Variants in AKT3 observed in about 807,000 individuals in gnomAD.
AKT3 encodes AKT serine/threonine kinase 3, also known as RAC-gamma serine/threonine-protein kinase.
AKT3 carries 15 observed loss-of-function variants against 65.3 expected under a neutral mutation model. The ratio of observed to expected loss-of-function variants is 0.23; its 90% CI spans 0.15 to 0.35. AKT3 has a LOEUF of 0.35. Ranked by LOEUF, AKT3 falls within the 10% of genes least tolerant of loss-of-function variation. AKT3 has a pLI of 1.00. For missense variants in AKT3, 243 were observed against 576.5 expected (o/e 0.42, Z 5.92); for synonymous variants, 206 against 183.8 (o/e 1.12, Z -0.98).
intron 2 of AKT3, among the ~76,000 whole-genome samples, chr1:243,818,731 C>CA (rs1363948292): frequency 6.6e-6 from 1 of 151,950 alleles, no homozygotes; most frequent in Non-Finnish European, 1.5e-5. Flanking sequence ...TGACAGGCGC[C>CA]AAGATGGCCA....
At chr1:243,643,528 T>C (rs1680593634) in intron 5 of AKT3, among the ~76,000 whole-genome samples, 1 of 152,234 alleles carries the variant, frequency 6.6e-6, no homozygotes, top group Non-Finnish European at 1.5e-5. Flanking sequence ...AATTAAAACA[T>C]AGAACCACAT....
chr1:243,602,430 T>C (rs1425232040), intron 8 of AKT3, among the ~76,000 whole-genome samples: 1 of 152,166 alleles, frequency 6.6e-6, no homozygotes, highest in Middle Eastern at 3.2e-3. Flanking sequence ...AAGATGTTTA[T>C]ATACCTGAAA....
chr1:243,809,648 T>C (rs528250662), intron 2 of AKT3, among the ~76,000 whole-genome samples: 5 of 152,060 alleles, frequency 3.3e-5, no homozygotes, highest in Admixed American at 2.0e-4. Flanking sequence ...AACAAGGATA[T>C]CCAGGAATTA....
chr1:243,642,339 T>C (rs1341580609), intron 5 of AKT3, among the ~76,000 whole-genome samples: 1 of 152,204 alleles, frequency 6.6e-6, no homozygotes, highest in Non-Finnish European at 1.5e-5. Flanking sequence ...AGACGGAGTC[T>C]CGCTCTGTCG....
intron 2 of AKT3, among the ~76,000 whole-genome samples, chr1:243,783,116 G>C (rs538756421): frequency 6.6e-6 from 1 of 152,114 alleles, no homozygotes; most frequent in Non-Finnish European, 1.5e-5. Context: ...AATTTCTGGA[G>C]TGACAAGAGT....
At chr1:243,835,176 C>T (rs1694814605) in intron 2 of AKT3, among the ~76,000 whole-genome samples, 1 of 152,152 alleles carries the variant, frequency 6.6e-6, no homozygotes, top group Non-Finnish European at 1.5e-5. Context: ...ATAGAACATT[C>T]AGCAGCATAT....
At chr1:243,712,728 T>C (rs1292791748) in intron 2 of AKT3, among the ~76,000 whole-genome samples, 1 of 152,186 alleles carries the variant, frequency 6.6e-6, no homozygotes, top group Non-Finnish European at 1.5e-5. Context: ...AAGGTCACTG[T>C]TTCTTCTCAA....
intron 2 of AKT3, among the ~76,000 whole-genome samples, chr1:243,755,225 C>T (rs888159895): frequency 6.8e-6 from 1 of 146,342 alleles, no homozygotes; most frequent in African/African-American, 2.7e-5. Context: ...GGCGACACCA[C>T]GCCTGGTTAA....
chr1:243,655,509 A>C (rs996635352), intron 4 of AKT3, among the ~76,000 whole-genome samples: 2 of 151,838 alleles, frequency 1.3e-5, no homozygotes, highest in African/African-American at 4.8e-5. Flanking sequence ...CTCATTTTTT[A>C]ACAAGTCCTG....
chr1:243,672,976 G>A (rs1173140772), intron 3 of AKT3, among the ~76,000 whole-genome samples: 1 of 152,104 alleles, frequency 6.6e-6, no homozygotes, highest in Non-Finnish European at 1.5e-5. Context: ...ATGACATAAG[G>A]CATTTACTAA....
intron 2 of AKT3, among the ~76,000 whole-genome samples, chr1:243,797,285 T>C (rs898296651): frequency 6.6e-6 from 1 of 152,114 alleles, no homozygotes. Context: ...ATCTGGCACA[T>C]ATCATGGTAT....
intron 3 of AKT3, among the ~76,000 whole-genome samples, chr1:243,676,598 T>G (rs2147960033): frequency 6.6e-6 from 1 of 152,352 alleles, no homozygotes. Flanking sequence ...GTTTTGTTTT[T>G]GTTTGTTTCA....
chr1:243,619,770 T>C (rs1678600209), intron 6 of AKT3, among the ~76,000 whole-genome samples: 1 of 98,852 alleles, frequency 1.0e-5, no homozygotes, highest in Admixed American at 1.1e-4. Flanking sequence ...GATTACATAT[T>C]TTGGCTGTTG....
At chr1:243,707,661 T>C (rs1685887135) in intron 2 of AKT3, among the ~76,000 whole-genome samples, 1 of 152,166 alleles carries the variant, frequency 6.6e-6, no homozygotes, top group South Asian at 2.1e-4. Context: ...TACATGGATA[T>C]ACAGCATGAT....
At chr1:243,783,248 C>T (rs1406465953) in intron 2 of AKT3, among the ~76,000 whole-genome samples, 1 of 152,166 alleles carries the variant, frequency 6.6e-6, no homozygotes, top group Non-Finnish European at 1.5e-5. Context: ...TCAGCTTCAC[C>T]TCACCCTCAA....
Position 243,584,190 on chromosome 1 carries a change from T to C in AKT3, c.697-11142A>G, listed in dbSNP as rs572943170. ...AAGGTCCTCAGAGGCTATGTGTCTA[T>C]ACATACAAACAAGAAAATCTAGAGG... On this transcript the variant is annotated intron_variant, in intron 8 of 13. Coordinates refer to ENST00000673466, the MANE Select transcript of AKT3 (RefSeq NM_005465.7). Among the ~76,000 whole-genome samples, 5 of 152,080 alleles carry C rather than the reference T, an allele frequency of 3.3e-5. No homozygotes were observed. In the East Asian group the frequency reaches 5.8e-4, roughly 18 times the overall value.
chr1:243,572,876 C>A, intron 9 of AKT3, 50 bp downstream of exon 9: 1 of 1,536,454 alleles, frequency 6.5e-7, no homozygotes, highest in Non-Finnish European at 8.8e-7. Flanking sequence ...TATGTTTGTC[C>A]CTATAGTCTC....
At chr1:243,594,289 T>C (rs1234281146) in intron 8 of AKT3, among the ~76,000 whole-genome samples, 1 of 152,202 alleles carries the variant, frequency 6.6e-6, no homozygotes, top group Non-Finnish European at 1.5e-5. Flanking sequence ...TGTGTGTCCA[T>C]GGATTAGAAG....
intron 2 of AKT3, among the ~76,000 whole-genome samples, chr1:243,760,578 GGC>G (rs1689430875): frequency 6.6e-6 from 1 of 152,086 alleles, no homozygotes; most frequent in Admixed American, 6.6e-5. Flanking sequence ...GTCATTTGCA[GGC>G]ATAGAGCAGC....
Sources: allele counts gnomAD v4.1 joint callset (sites outside exome capture counted in the v4.1 genomes callset), GRCh38; gene constraint gnomAD v4.1.1; transcripts MANE v1.5; gene names NCBI Gene and HGNC (gene_info 2026-07-23, HGNC 2026-07-21).